Variants in OSBPL3 observed in about 807,000 individuals in gnomAD.
OSBPL3 encodes oxysterol binding protein like 3, also known as oxysterol-binding protein-related protein 3.
In OSBPL3, 65 loss-of-function variants were observed where a neutral mutation model predicts 120.1. The ratio of observed to expected loss-of-function variants is 0.54; its 90% CI spans 0.44 to 0.67. The LOEUF (loss-of-function observed/expected upper bound fraction) is 0.67. Among genes scored for constraint, OSBPL3 ranks in the 30% least tolerant of loss-of-function variants. The probability of loss-of-function intolerance (pLI) is 0.00; values close to 1 mark genes in which losing one functional copy is unlikely to be tolerated. For missense variants in OSBPL3, 1,004 were observed against 1,082.1 expected, an observed-to-expected ratio of 0.93 and a Z score of 1.01; for synonymous variants, 416 against 402.6, an observed-to-expected ratio of 1.03 and a Z score of -0.40.
rs186317894 is a variant in OSBPL3 at position 24,970,311 on chromosome 7, G to T, written c.-150+9575C>A. 5.1e-3 allele frequency among the ~76,000 whole-genome samples: 774 copies of T among 151,972 alleles called. 8 individuals are homozygous for T. The highest frequency in any genetic ancestry group is 0.034 in the South Asian group (163 of 4,798). On this transcript the variant is annotated intron_variant, in intron 1 of 22. Transcript: ENST00000313367. ...TAGTAGAGACTTGGTTTCACCACGC[G>T]GCCAGGCTGGTCTCGAACTCCTGAC... is the stretch of plus-strand genomic sequence containing the variant.
chr7:24,844,733 A>C (rs1254378325), intron 12 of OSBPL3, among the ~76,000 whole-genome samples: 1 of 152,254 alleles, frequency 6.6e-6, no homozygotes, highest in African/African-American at 2.4e-5. Flanking sequence ...TTAAAAAAGC[A>C]AATTAAATAA....
intron 2 of OSBPL3, among the ~76,000 whole-genome samples, chr7:24,874,040 C>T (rs533681010): frequency 7.2e-5 from 11 of 152,288 alleles, no homozygotes; most frequent in African/African-American, 2.6e-4. Flanking sequence ...TTCTGATTTC[C>T]CCACAATGCC....
At chr7:24,809,198 G>T (rs1178732416) in intron 20 of OSBPL3, among the ~76,000 whole-genome samples, 1 of 152,160 alleles carries the variant, frequency 6.6e-6, no homozygotes, top group Non-Finnish European at 1.5e-5. Flanking sequence ...CAGAACAATG[G>T]TTTACAATAT....
Position 24,922,850 on chromosome 7 carries a change from C to T in OSBPL3, c.-149-30229G>A, listed in dbSNP as rs943673919. 4.6e-5 allele frequency among the ~76,000 whole-genome samples: 7 copies of T among 152,132 alleles called. No individual in the cohort carries two copies. Among genetic ancestry groups the T allele is most frequent in the African/African-American group, 1.4e-4 (6 of 41,414 alleles). ...TGACAGACCACCCTCTCAGGGAGAACCACAGGGCTAATTCTGATTCCAAAG... is the reference window on the plus strand; with the variant it reads ...TGACAGACCACCCTCTCAGGGAGAATCACAGGGCTAATTCTGATTCCAAAG... On this transcript the variant is annotated intron_variant, in intron 1 of 22. Coordinates refer to ENST00000313367, the MANE Select transcript of OSBPL3 (RefSeq NM_015550.4). This position sits in a 1 kb window ranked among gnomAD's most constrained non-coding sequence, Gnocchi z 4.3.
upstream of OSBPL3, among the ~76,000 whole-genome samples, chr7:24,980,503 G>C (rs960124933): frequency 1.3e-5 from 2 of 152,036 alleles, no homozygotes; most frequent in African/African-American, 4.8e-5. Context: ...TAGGCGTTCG[G>C]TAAATGTTCC....
At chr7:24,931,446 T>C (rs1397756176) in intron 1 of OSBPL3, among the ~76,000 whole-genome samples, 1 of 152,002 alleles carries the variant, frequency 6.6e-6, no homozygotes, top group Non-Finnish European at 1.5e-5. Context: ...AGGGTCCTTA[T>C]AAGAGGGCGT....
chr7:24,960,476 A>C (rs1369580371), intron 1 of OSBPL3, among the ~76,000 whole-genome samples: 1 of 152,194 alleles, frequency 6.6e-6, no homozygotes, highest in Non-Finnish European at 1.5e-5. Context: ...ACACAAAATC[A>C]ATATATCGAA....
At chr7:24,980,221 G>T, upstream of OSBPL3, 1 of 221,074 alleles carries the variant, frequency 4.5e-6, no homozygotes, top group Non-Finnish European at 7.6e-6. Flanking sequence ...CCGCGCAAGG[G>T]CGGGAGCGCA....
At chr7:24,888,644 A>G (rs952008013) in intron 2 of OSBPL3, among the ~76,000 whole-genome samples, 1 of 152,182 alleles carries the variant, frequency 6.6e-6, no homozygotes, top group Non-Finnish European at 1.5e-5. Context: ...AAAAATGAAA[A>G]CACCTAGGTC....
intron 1 of OSBPL3, among the ~76,000 whole-genome samples, chr7:24,945,363 T>C (rs556671329): frequency 1.1e-4 from 16 of 152,242 alleles, no homozygotes; most frequent in Non-Finnish European, 1.6e-4. Context: ...TCCTGTATAT[T>C]TATTCATTCA....
In OSBPL3 at chr7:24,899,736, T is replaced by A. The variant is rs1042005637; in HGVS notation, c.-149-7115A>T. ...CTGCATACAAATGCATACAACCCAC[T>A]ATAAATGCCCATAACTATACAATCA... On this transcript the variant is annotated intron_variant, in intron 1 of 22. Transcript: ENST00000313367. The surrounding 1 kb of genome is among the most constrained non-coding windows in gnomAD (Gnocchi z 4.0). Among the ~76,000 whole-genome samples, 1 of 152,232 alleles carries A rather than the reference T, an allele frequency of 6.6e-6. No homozygotes were observed. Among genetic ancestry groups the A allele is most frequent in the Admixed American group, 6.5e-5 (1 of 15,278 alleles).
chr7:24,805,690 G>A lies in OSBPL3; in HGVS notation c.2444+1086C>T, dbSNP rs549323991. Among the ~76,000 whole-genome samples, 7 of 152,274 alleles carry A rather than the reference G, an allele frequency of 4.6e-5. No homozygotes were observed. The highest frequency in any genetic ancestry group is 1.7e-4 in the African/African-American group (7 of 41,558). On this transcript the variant is annotated intron_variant, in intron 21 of 22. Transcript: ENST00000313367. This position sits in a 1 kb window ranked among gnomAD's most constrained non-coding sequence, Gnocchi z 4.0. ...GTATGGCTTTCTTTAAAATAAATTA[G>A]GGGAATGGGCCCATTTGGGACCAAC...
At position 24,840,691 on chromosome 7, in the gene OSBPL3, C is replaced by T; in HGVS notation, c.1494G>A (p.Leu498=). ...GAGATTAAATAATGTAAATCTTACCCAAGGTCTGTCTCTCATTATCTAAAT... is the reference window on the plus strand; with the variant it reads ...GAGATTAAATAATGTAAATCTTACCTAAGGTCTGTCTCTCATTATCTAAAT... ...SNDLDNERQT[L]GPVLDSGREA... Residue 498 remains leucine (L), a splice_region_variant and synonymous_variant, in exon 14 of 23, where the codon TTG becomes TTA. Transcript: ENST00000313367. 7.7e-7 allele frequency: 1 copy of T among 1,298,232 alleles called. No individual in the cohort carries two copies. The allele number at this position is 1,298,232 out of a possible 1,614,324, so 80.4% of individuals were successfully genotyped here. A position where few individuals can be genotyped will look rare whatever the true frequency, so the allele number is the denominator to read the frequency against.
intron 1 of OSBPL3, among the ~76,000 whole-genome samples, chr7:24,921,304 G>A (rs1432014264): frequency 6.6e-6 from 1 of 152,052 alleles, no homozygotes; most frequent in African/African-American, 2.4e-5. Flanking sequence ...AACCCATCAC[G>A]AATCCAAAGA....
chr7:24,949,419 G>T (rs1814120153), intron 1 of OSBPL3, among the ~76,000 whole-genome samples: 1 of 152,132 alleles, frequency 6.6e-6, no homozygotes, highest in African/African-American at 2.4e-5. Context: ...TTTCTTAGTG[G>T]TACATAAATT....
Position 24,833,110 on chromosome 7 carries a change from C to T in OSBPL3, c.1746+1376G>A, listed in dbSNP as rs1489586115. 6.6e-6 allele frequency among the ~76,000 whole-genome samples: 1 copy of T among 152,178 alleles called. No homozygotes were observed. The highest frequency in any genetic ancestry group is 1.5e-5 in the Non-Finnish European group (1 of 68,026). On this transcript the variant is annotated intron_variant, in intron 15 of 22. Transcript: ENST00000313367. This position sits in a 1 kb window ranked among gnomAD's most constrained non-coding sequence, Gnocchi z 4.4. ...AGCTATTTCTAGAAGATTTGCCTTCCTTTTATTCAGCAAAAATTATCTGGG... is the reference window on the plus strand; with the variant it reads ...AGCTATTTCTAGAAGATTTGCCTTCTTTTTATTCAGCAAAAATTATCTGGG...
At chr7:24,978,631 T>G (rs956093886) in intron 1 of OSBPL3, among the ~76,000 whole-genome samples, 4 of 152,232 alleles carry the variant, frequency 2.6e-5, no homozygotes, top group Non-Finnish European at 5.9e-5. Flanking sequence ...CCTTGTATGA[T>G]ACTTGCGGGG....
In OSBPL3 at chr7:24,835,901, C is replaced by T. The variant is rs553787327; in HGVS notation, c.1496-1165G>A. ...AAGAAGGGAACCATAGACACCAGGG[C>T]CTACTGGAATGTGGAGAGTGGGTGG... On this transcript the variant is annotated intron_variant, in intron 14 of 22. Transcript: ENST00000313367. The surrounding 1 kb of genome is among the most constrained non-coding windows in gnomAD (Gnocchi z 4.8). 6.6e-6 allele frequency among the ~76,000 whole-genome samples: 1 copy of T among 151,988 alleles called. No homozygotes were observed. Among genetic ancestry groups the T allele is most frequent in the East Asian group, 1.9e-4 (1 of 5,168 alleles).
rs1372194803 is a variant in OSBPL3, at chr7:24,966,996, A to ACTG, written c.-150+12887_-150+12889dup. 1.3e-5 allele frequency among the ~76,000 whole-genome samples: 2 copies of ACTG among 152,232 alleles called. No individual in the cohort carries two copies. The highest frequency in any genetic ancestry group is 6.5e-5 in the Admixed American group (1 of 15,284). ...GACTAATACATAAGATAAGCAATAC[A>ACTG]CTGCCACACAGGCAAATTCAGCTTA... On this transcript the variant is annotated intron_variant, in intron 1 of 22. Coordinates refer to ENST00000313367, the MANE Select transcript of OSBPL3 (RefSeq NM_015550.4). The surrounding 1 kb of genome is among the most constrained non-coding windows in gnomAD (Gnocchi z 4.8).
Sources: gnomAD v4.1 joint callset for allele counts (sites outside exome capture counted in the v4.1 genomes callset) on GRCh38, gnomAD v4.1.1 for gene constraint, Gnocchi (gnomAD v3.1) non-coding constraint, MANE v1.5 for transcripts, NCBI Gene and HGNC (gene_info 2026-07-23, HGNC 2026-07-21) for gene names.